ACOXL: variants seen among roughly 807,000 people sequenced by gnomAD.
ACOXL encodes acyl-CoA oxidase like.
In ACOXL, 70 loss-of-function variants were observed where a neutral mutation model predicts 71.9. The observed-to-expected ratio is 0.97, with a 90% CI of 0.80 to 1.19. ACOXL has a LOEUF of 1.19. ACOXL is among the 50% of genes most tolerant of loss of function. The pLI is 0.00. For missense variants in ACOXL, 703 were observed against 736.3 expected, an observed-to-expected ratio of 0.95 and a Z score of 0.52; for synonymous variants, 253 against 281.6, an observed-to-expected ratio of 0.90 and a Z score of 1.02.
intron 10 of ACOXL, 92 bp from the exon 11 acceptor site, chr2:110,908,697 G>A: frequency 1.0e-6 from 1 of 973,686 alleles, no homozygotes. Flanking sequence ...TCTTTGGAAG[G>A]CAAATGGCTA....
intron 17 of ACOXL, among the ~76,000 whole-genome samples, chr2:111,107,657 T>G (rs1450823457): frequency 6.6e-6 from 1 of 152,192 alleles, no homozygotes; most frequent in African/African-American, 2.4e-5. Context: ...CCCAGCTAAT[T>G]TTGTATTTTT....
intron 9 of ACOXL, among the ~76,000 whole-genome samples, chr2:110,840,676 C>T (rs550143572): frequency 2.6e-5 from 4 of 152,350 alleles, no homozygotes; most frequent in East Asian, 1.9e-4. Context: ...GAGATTTCCT[C>T]ATCATCCCTG....
At chr2:110,854,703 C>G (rs1220282493) in intron 10 of ACOXL, among the ~76,000 whole-genome samples, 1 of 152,204 alleles carries the variant, frequency 6.6e-6, no homozygotes, top group Non-Finnish European at 1.5e-5. Context: ...GGGCCACCAC[C>G]TGGCAGAGAT....
intron 12 of ACOXL, among the ~76,000 whole-genome samples, chr2:110,959,665 C>A (rs2061628447): frequency 6.6e-6 from 1 of 152,084 alleles, no homozygotes; most frequent in Non-Finnish European, 1.5e-5. Flanking sequence ...CTCTAGTTGC[C>A]ATTTCTAGCC....
At chr2:110,954,467 C>T (rs1368210777) in intron 12 of ACOXL, among the ~76,000 whole-genome samples, 1 of 152,084 alleles carries the variant, frequency 6.6e-6, no homozygotes, top group East Asian at 1.9e-4. Flanking sequence ...CCATTTTTCC[C>T]TTTTATGTTT....
chr2:111,117,744 C>T lies in ACOXL; in HGVS notation c.1671C>T (p.Tyr557=). Reference sequence around the variant, plus strand: ...ACCCGCGGGCCGCGTGGGCTTTCTACCCTGCACCGCTGCAGCCGCGGCCAC... The same window carrying T: ...ACCCGCGGGCCGCGTGGGCTTTCTATCCTGCACCGCTGCAGCCGCGGCCAC... ...ISNPRAAWAF[Y]PAPLQPRPRE... Residue 557 remains tyrosine, a synonymous_variant, in exon 18 of 18, where the codon TAC becomes TAT. Coordinates refer to ENST00000439055, the MANE Select transcript of ACOXL (RefSeq NM_001142807.4). 3.2e-6 allele frequency: 5 copies of T among 1,551,604 alleles called. No homozygotes were observed. The highest frequency in any genetic ancestry group is 4.4e-6 in the Non-Finnish European group (5 of 1,146,992).
At chr2:110,837,472 T>C (rs1690599699) in intron 9 of ACOXL, among the ~76,000 whole-genome samples, 1 of 152,176 alleles carries the variant, frequency 6.6e-6, no homozygotes, top group African/African-American at 2.4e-5. Flanking sequence ...TTTTTAAAAA[T>C]TATTATTATT....
chr2:110,996,397 C>T (rs2063398823), intron 14 of ACOXL, among the ~76,000 whole-genome samples: 1 of 152,208 alleles, frequency 6.6e-6, no homozygotes, highest in Non-Finnish European at 1.5e-5. Flanking sequence ...GTCTAAGATG[C>T]ATTCTGTCTC....
intron 11 of ACOXL, among the ~76,000 whole-genome samples, chr2:110,922,206 A>G (rs796759097): frequency 1.4e-4 from 21 of 152,256 alleles, no homozygotes; most frequent in African/African-American, 4.6e-4. Flanking sequence ...AAGTATTTTG[A>G]AAGTTTTTTT....
intron 9 of ACOXL, among the ~76,000 whole-genome samples, chr2:110,821,766 C>G (rs564662867): frequency 6.6e-6 from 1 of 152,216 alleles, no homozygotes; most frequent in Non-Finnish European, 1.5e-5. Context: ...TTTTCTCCCT[C>G]ATTATTTATC....
intron 8 of ACOXL, among the ~76,000 whole-genome samples, chr2:110,804,114 G>A (rs1686336725): frequency 6.6e-6 from 1 of 151,586 alleles, no homozygotes; most frequent in Non-Finnish European, 1.5e-5. Flanking sequence ...AACCTCCTGA[G>A]TACCTGGGAT....
At chr2:110,828,778 G>A (rs1376377450) in intron 9 of ACOXL, among the ~76,000 whole-genome samples, 1 of 152,044 alleles carries the variant, frequency 6.6e-6, no homozygotes, top group Non-Finnish European at 1.5e-5. Context: ...TGCTTCTTTG[G>A]GGAGCTCTGA....
intron 16 of ACOXL, among the ~76,000 whole-genome samples, chr2:111,070,024 C>T (rs1441035136): frequency 6.6e-6 from 1 of 151,976 alleles, no homozygotes; most frequent in East Asian, 1.9e-4. Flanking sequence ...GTCGGCCTGC[C>T]CTCAGGACTC....
intron 11 of ACOXL, among the ~76,000 whole-genome samples, chr2:110,918,584 AG>A: frequency 6.6e-6 from 1 of 152,380 alleles, no homozygotes; most frequent in East Asian, 1.9e-4. Context: ...GCTTCTGCAC[AG>A]CAAAAGAAAC....
intron 1 of ACOXL, among the ~76,000 whole-genome samples, chr2:110,750,642 TACAC>T (rs1390374311): frequency 1.3e-5 from 2 of 149,176 alleles, no homozygotes; most frequent in Non-Finnish European, 3.0e-5. Context: ...TATAAACAAA[TACAC>T]ATATATTTGT....
chr2:110,805,493 T>C (rs966634302), intron 9 of ACOXL, 98 bp downstream of exon 9: 2 of 1,538,454 alleles, frequency 1.3e-6, no homozygotes, highest in Admixed American at 1.8e-5. Context: ...GGAGCCACAG[T>C]TGGTATAATA....
intron 12 of ACOXL, among the ~76,000 whole-genome samples, chr2:110,958,205 A>T (rs1026209231): frequency 6.6e-6 from 1 of 152,136 alleles, no homozygotes; most frequent in African/African-American, 2.4e-5. Context: ...TTCCAACTAA[A>T]TTTTTAGTTT....
At chr2:111,093,738 G>C (rs896352636) in intron 17 of ACOXL, 1 of 478,498 alleles carries the variant, frequency 2.1e-6, no homozygotes, top group Non-Finnish European at 3.7e-6. Flanking sequence ...GTGGCATGTG[G>C]CTGTAGTCCC....
At chr2:110,962,935 T>C (rs1385828125) in intron 12 of ACOXL, among the ~76,000 whole-genome samples, 1 of 152,162 alleles carries the variant, frequency 6.6e-6, no homozygotes, top group Non-Finnish European at 1.5e-5. Context: ...GCAGAGGCCC[T>C]CAGAAGGGGA....
Sources: allele counts gnomAD v4.1 joint callset (sites outside exome capture counted in the v4.1 genomes callset), GRCh38; gene constraint gnomAD v4.1.1; transcripts MANE v1.5; gene names NCBI Gene and HGNC (gene_info 2026-07-23, HGNC 2026-07-21).